The following SVIL variants were observed in gnomAD, a reference collection of about 807,000 sequenced individuals.
SVIL encodes supervillin.
In SVIL, 101 loss-of-function variants were observed where a neutral mutation model predicts 240.4. That is an observed-to-expected ratio of 0.42 (90% confidence interval 0.36 to 0.50). The LOEUF (loss-of-function observed/expected upper bound fraction) is 0.50. Ranked by LOEUF, SVIL falls within the 20% of genes least tolerant of loss-of-function variation. The pLI, the probability that SVIL is intolerant of heterozygous loss-of-function variation, is 0.01. For missense variants in SVIL, 2,512 were observed against 2,818.7 expected (o/e 0.89, Z 2.46); for synonymous variants, 999 against 1,100.0 (o/e 0.91, Z 1.82).
intron 1 of SVIL, among the ~76,000 whole-genome samples, chr10:29,594,911 C>T (rs562345896): frequency 6.6e-6 from 1 of 152,338 alleles, no homozygotes; most frequent in East Asian, 1.9e-4. Context: ...ACAAACACAC[C>T]TCTGGGTTGT....
intron 1 of SVIL, among the ~76,000 whole-genome samples, chr10:29,698,567 T>C (rs1403256466): frequency 2.0e-5 from 3 of 149,906 alleles, no homozygotes; most frequent in African/African-American, 7.3e-5. Flanking sequence ...TATGTTTCAG[T>C]GTACTGGAAA....
In SVIL at chr10:29,533,205, C is replaced by A; in HGVS notation, c.1162G>T (p.Ala388Ser). ...GATGCTACCCAGCTACACTCAGATG[C>A]ATTTTCTGGGGTTTCTGGCGTCACT... ...KLVTPETPEN[A>S]SECSWVASAT... Residue 388 changes from alanine (A) to serine (S), a missense_variant, in exon 8 of 38, where the codon GCA becomes TCA. By Grantham distance (99) the Ala-to-Ser change is moderately conservative (BLOSUM62 1). Coordinates refer to ENST00000355867, the MANE Select transcript of SVIL (RefSeq NM_021738.3). 1.2e-6 allele frequency: 2 copies of A among 1,613,992 alleles called. No homozygotes were observed. The highest frequency in any genetic ancestry group is 1.3e-5 in the African/African-American group (1 of 74,884).
intron 17 of SVIL, among the ~76,000 whole-genome samples, chr10:29,509,278 GAAGAGAAAGA>G (rs1399647831): frequency 5.1e-5 from 7 of 136,390 alleles, no homozygotes; most frequent in African/African-American, 1.9e-4. Context: ...GGGCAGCAAG[GAAGAGAAAGA>G]AAGAGAAAGA....
chr10:29,500,887 A>G (rs906810779), intron 17 of SVIL, among the ~76,000 whole-genome samples: 1 of 152,150 alleles, frequency 6.6e-6, no homozygotes, highest in African/African-American at 2.4e-5. Flanking sequence ...CAGGAGGGAC[A>G]GGAAGAGAGT....
chr10:29,514,377 C>A (rs1453234524), intron 16 of SVIL, among the ~76,000 whole-genome samples: 2 of 152,120 alleles, frequency 1.3e-5, no homozygotes, highest in Non-Finnish European at 2.9e-5. Context: ...GCTAGGATGA[C>A]AGGTGTGCAT....
intron 1 of SVIL, among the ~76,000 whole-genome samples, chr10:29,575,844 A>AT (rs1034601216): frequency 7.9e-5 from 12 of 152,270 alleles, no homozygotes; most frequent in African/African-American, 2.4e-4. Context: ...CCTAGGATTG[A>AT]TTTTTTTAAG....
chr10:29,642,774 G>C (rs566413628), intron 3 of SVIL, among the ~76,000 whole-genome samples: 58 of 152,136 alleles, frequency 3.8e-4, no homozygotes, highest in African/African-American at 1.3e-3. Flanking sequence ...GCCTCCACCT[G>C]CTGGGTTCAA....
At chr10:29,583,173 C>A (rs181898540) in intron 1 of SVIL, among the ~76,000 whole-genome samples, 1 of 152,218 alleles carries the variant, frequency 6.6e-6, no homozygotes, top group Non-Finnish European at 1.5e-5. Context: ...TTCTGGCTCT[C>A]CTTGTTCTCA....
intron 16 of SVIL, among the ~76,000 whole-genome samples, chr10:29,515,723 A>C (rs1209034594): frequency 6.6e-6 from 1 of 152,218 alleles, no homozygotes; most frequent in African/African-American, 2.4e-5. Flanking sequence ...AGTTGAGTTC[A>C]TTAAAAGTCA....
intron 32 of SVIL, 22 bp from the exon 33 acceptor site, chr10:29,467,897 A>G: frequency 6.2e-7 from 1 of 1,613,802 alleles, no homozygotes; most frequent in Non-Finnish European, 8.5e-7. Flanking sequence ...AAACTCCAAG[A>G]GTTCTTTATA....
chr10:29,459,267 C>T (rs780122752), intron 36 of SVIL, among the ~76,000 whole-genome samples: 30 of 152,286 alleles, frequency 2.0e-4, no homozygotes, highest in African/African-American at 5.5e-4. Flanking sequence ...TGTGCCACCA[C>T]GCGCACCTAA....
In SVIL at chr10:29,523,625, TG is replaced by T; in HGVS notation, c.2988del (p.Arg997GlufsTer27). ...DSHKESKYAV[P>X]RRGSLERANP... ...TTCGCCCGTTCCAGGCTTCCTCTTC[TG>T]GGAACAGCATATTTAGATTCCTTAT... On this transcript the variant is annotated frameshift_variant, in exon 15 of 38. Coordinates refer to ENST00000355867, the MANE Select transcript of SVIL (RefSeq NM_021738.3). LOFTEE classifies it high-confidence loss of function. The T allele has an allele frequency of 6.2e-7, 1 of 1,614,220 alleles. No homozygotes were observed. The highest frequency in any genetic ancestry group is 8.5e-7 in the Non-Finnish European group (1 of 1,180,032).
chr10:29,508,491 C>T (rs1949541846), intron 17 of SVIL: 2 of 929,868 alleles, frequency 2.2e-6, no homozygotes, highest in Non-Finnish European at 3.0e-6. Flanking sequence ...TGGGTTCAAA[C>T]AGCAGCATGC....
In SVIL at chr10:29,550,848, G is replaced by A. The variant is rs1322922642; in HGVS notation, c.576C>T (p.Gly192=). Residue 192 remains glycine, a synonymous_variant, in exon 6 of 38, where the codon GGC becomes GGT. Coordinates refer to ENST00000355867, the MANE Select transcript of SVIL (RefSeq NM_021738.3). ...TCAGCAGCACCTCCGGGTCGGAAGA[G>A]CCGTCACCCACATGGAGGGCATAGT... The part of the protein sequence containing the change: ...SKDYALHVGD[G]SSDPEVLLNI... 1 of 1,614,146 alleles carries A rather than the reference G, an allele frequency of 6.2e-7. No homozygotes were observed. Among genetic ancestry groups the A allele is most frequent in the Admixed American group, 1.7e-5 (1 of 60,010 alleles).
rs745968184 is a variant in SVIL, at chr10:29,488,688, C to T, written c.4261G>A (p.Val1421Ile). 7.4e-6 allele frequency: 12 copies of T among 1,612,798 alleles called. No individual in the cohort carries two copies. The Admixed American group carries it at 1.3e-4, about 18-fold the overall frequency. Residue 1421 changes from valine to isoleucine, a missense_variant, in exon 23 of 38, where the codon GTC becomes ATC. Transcript: ENST00000355867. Reference sequence around the variant, plus strand: ...GTCAGGTTGACGCTCCGCAGGCTGACGTTGCTGAAGTTTTCTTTACTGGCT... The same window carrying T: ...GTCAGGTTGACGCTCCGCAGGCTGATGTTGCTGAAGTTTTCTTTACTGGCT... ...GLASKENFSN[V>I]SLRSVNLTEQ...
intron 1 of SVIL, among the ~76,000 whole-genome samples, chr10:29,629,682 C>T (rs1958010570): frequency 7.6e-6 from 1 of 130,898 alleles, no homozygotes; most frequent in South Asian, 2.4e-4. Context: ...TTGGGGGCTA[C>T]TGTAAAAATT....
At chr10:29,561,672 C>T (rs1954489918) in intron 3 of SVIL, among the ~76,000 whole-genome samples, 1 of 152,014 alleles carries the variant, frequency 6.6e-6, no homozygotes, top group African/African-American at 2.4e-5. Context: ...CATCTGCACC[C>T]GTCCTAACTG....
chr10:29,667,508 A>G (rs79601913), intron 2 of SVIL, among the ~76,000 whole-genome samples: 1,537 of 152,260 alleles, frequency 0.01, 37 homozygotes, highest in African/African-American at 0.035. Flanking sequence ...AGGATGATGG[A>G]TATTTACATC....
intron 16 of SVIL, among the ~76,000 whole-genome samples, chr10:29,513,868 G>T (rs564878232): frequency 6.6e-6 from 1 of 152,152 alleles, no homozygotes; most frequent in South Asian, 2.1e-4. Flanking sequence ...TTGAATACTG[G>T]AATCCTGAAA....
Sources: allele counts gnomAD v4.1 joint callset (sites outside exome capture counted in the v4.1 genomes callset), GRCh38; gene constraint gnomAD v4.1.1; transcripts MANE v1.5; gene names NCBI Gene and HGNC (gene_info 2026-07-23, HGNC 2026-07-21).